The following SHANK1 variants were observed in gnomAD, a reference collection of about 807,000 sequenced individuals.
The protein encoded by SHANK1 is SH3 and multiple ankyrin repeat domains protein 1.
SHANK1 carries 35 observed loss-of-function variants against 165.6 expected under a neutral mutation model. The observed-to-expected ratio is 0.21, with a 90% CI of 0.16 to 0.28. SHANK1 has a LOEUF of 0.28. Ranked by LOEUF, SHANK1 falls within the 10% of genes least tolerant of loss-of-function variation. The pLI, the probability that SHANK1 is intolerant of heterozygous loss-of-function variation, is 1.00. For missense variants in SHANK1, 2,681 were observed against 3,036.4 expected (o/e 0.88, Z 2.75); for synonymous variants, 1,428 against 1,384.8 (o/e 1.03, Z -0.69).
At chr19:50,707,936 CTTTTCTTTTCTTTTCTTTTCTTTT>C in intron 8 of SHANK1, among the ~76,000 whole-genome samples, 1 of 87,256 alleles carries the variant, frequency 1.1e-5, no homozygotes, top group Non-Finnish European at 2.2e-5. Context: ...CTTTTCTTTT[CTTTTCTTTTCTTTTCTTTTCTTTT>C]CTTTTGAGAT....
intron 3 of SHANK1, 95 bp from the exon 4 acceptor site, chr19:50,715,825 C>T: frequency 8.2e-7 from 1 of 1,217,336 alleles, no homozygotes; most frequent in Non-Finnish European, 1.2e-6. Context: ...TGATCCCCTT[C>T]TAATTCCCCG....
At chr19:50,689,354 C>T (rs747973144) in intron 15 of SHANK1, 75 bp from the exon 16 acceptor site, 7 of 1,121,378 alleles carry the variant, frequency 6.2e-6, no homozygotes, top group East Asian at 2.3e-5. Flanking sequence ...GAGGCTGTCC[C>T]CCACCCGGCA....
Position 50,668,465 on chromosome 19 carries a change from G to A in SHANK1, c.3495C>T (p.Thr1165=), listed in dbSNP as rs773265688. 1.6e-5 allele frequency: 22 copies of A among 1,336,152 alleles called. No individual in the cohort carries two copies. The highest frequency in any genetic ancestry group is 2.0e-5 in the Non-Finnish European group (21 of 1,042,018). 82.8% of individuals were successfully genotyped at this position (1,336,152 alleles called of 1,614,324 possible). ...CCTGGCTGCTGCGGCCGCTGCTACT[G>A]GTGGACGGGGCCTTGATGATGATGG... ...IPTIIIKAPS[T]SSSGRSSQGS... Residue 1165 remains threonine (T), a synonymous_variant, in exon 23 of 24, where the codon ACC becomes ACT. Transcript: ENST00000293441.
chr19:50,667,093 T>C lies in SHANK1; in HGVS notation c.4867A>G (p.Ser1623Gly). 1.3e-6 allele frequency: 2 copies of C among 1,556,194 alleles called. No individual in the cohort carries two copies. Among genetic ancestry groups the C allele is most frequent in the Non-Finnish European group, 1.7e-6 (2 of 1,157,602 alleles). ...ACCTCGCTGTCATAGGATGTCAGGC[T>C]GGATGCGGTGGAGTCCAGGGTGGGA... ...APPTLDSTASSLTSYDSEVAT... is the reference protein window; with the variant it reads ...APPTLDSTASGLTSYDSEVAT... The change falls in exon 23 of 24, where the codon AGC (serine) becomes GGC (glycine). Residue 1623 changes from serine (S) to glycine (G), a missense_variant. This residue lies in a region of SHANK1 where 1,713 missense variants were observed against 1,630.2 expected (regional missense o/e 1.05). Transcript: ENST00000293441. This position sits in a 1 kb window ranked among gnomAD's most constrained non-coding sequence, Gnocchi z 5.7.
intron 21 of SHANK1, among the ~76,000 whole-genome samples, chr19:50,676,571 T>C (rs1302397280): frequency 6.6e-6 from 1 of 152,076 alleles, no homozygotes; most frequent in Non-Finnish European, 1.5e-5. Context: ...AGTTTCAGGT[T>C]TCTTTCAGAT....
chr19:50,672,073 C>T lies in SHANK1; in HGVS notation c.2619G>A (p.Glu873=), dbSNP rs1413270409. ...DPHHRAQPSY[E]RPSFLPPGPG... is the part of the protein sequence containing the mutation. Reference sequence around the variant, plus strand: ...GTCCTGGAGGCAGGAAAGAAGGACGCTCGTAACTTGGCTGGGCACGGTGGT... The same window carrying T: ...GTCCTGGAGGCAGGAAAGAAGGACGTTCGTAACTTGGCTGGGCACGGTGGT... Residue 873 remains glutamate, a synonymous_variant, in exon 22 of 24, where the codon GAG becomes GAA. Transcript: ENST00000293441. 6.2e-7 allele frequency: 1 copy of T among 1,614,012 alleles called. No homozygotes were observed. The highest frequency in any genetic ancestry group is 8.5e-7 in the Non-Finnish European group (1 of 1,179,964).
intron 18 of SHANK1, 60 bp downstream of exon 18, chr19:50,687,863 G>T: frequency 6.2e-7 from 1 of 1,604,766 alleles, no homozygotes; most frequent in Non-Finnish European, 8.5e-7. Context: ...CAGCCCTGGG[G>T]CTCCCGCAGG....
rs138442804 is a variant in SHANK1 at position 50,672,866 on chromosome 19, A to G, written c.2578-752T>C. ...TGCTATTGCCCCTGCTTGAAATCCC[A>G]TGTCAGTTAGGAGGAGATCAGAGGG... On this transcript the variant is annotated intron_variant, in intron 21 of 23. Transcript: ENST00000293441. Among the ~76,000 whole-genome samples the G allele has an allele frequency of 3.3e-5, 5 of 152,124 alleles. No individual in the cohort carries two copies. In the East Asian group the frequency reaches 9.7e-4, roughly 30 times the overall value.
Position 50,660,784 on chromosome 19 carries a change from G to A in SHANK1, c.*1181C>T, listed in dbSNP as rs182765872. Among the ~76,000 whole-genome samples the A allele has an allele frequency of 6.8e-6, 1 of 146,424 alleles. No individual in the cohort carries two copies. Among genetic ancestry groups the A allele is most frequent in the Admixed American group, 6.9e-5 (1 of 14,466 alleles). The stretch of plus-strand genomic sequence containing the variant: ...GAGGGTTCACAAAAGAATCAAAAAT[G>A]CAGAAGGGCAAAGATTTCAAACAGA... On this transcript the variant is annotated 3_prime_UTR_variant, in exon 24 of 24. Transcript: ENST00000293441.
At position 50,687,618 on chromosome 19, in the gene SHANK1, G is replaced by A. The variant is rs946919605; in HGVS notation, c.2353C>T (p.Arg785Cys). ...KRLPPPTISLRSKSMTSELEE... is the reference protein window; with the variant it reads ...KRLPPPTISLCSKSMTSELEE... ...AGCTCTGAGGTCATAGATTTGGAACGCAGGGAGATGGTTGGGGGCGGCAGC... is the reference window on the plus strand; with the variant it reads ...AGCTCTGAGGTCATAGATTTGGAACACAGGGAGATGGTTGGGGGCGGCAGC... Residue 785 changes from arginine (R) to cysteine (C), a missense_variant, in exon 19 of 24, where the codon CGT becomes TGT. Transcript: ENST00000293441. 4 of 1,537,092 alleles carry A rather than the reference G, an allele frequency of 2.6e-6. No homozygotes were observed. The highest frequency in any genetic ancestry group is 4.2e-5 in the Admixed American group (2 of 47,784).
At position 50,715,716 on chromosome 19, in the gene SHANK1, G is replaced by T. The variant is rs772036089; in HGVS notation, c.474C>A (p.Thr158=). ...GVPYLEFRYK[T]RVYKQTNLDE... is the part of the protein sequence containing the mutation. ...CCAGGTTGGTCTGTTTGTAAACTCGGGTCTTGTATCGGAACTGAGGTCAAG... is the reference window on the plus strand; with the variant it reads ...CCAGGTTGGTCTGTTTGTAAACTCGTGTCTTGTATCGGAACTGAGGTCAAG... Residue 158 remains threonine, a synonymous_variant, in exon 4 of 24, where the codon ACC becomes ACA. Transcript: ENST00000293441. 3.7e-6 allele frequency: 6 copies of T among 1,613,962 alleles called. No individual in the cohort carries two copies. In the South Asian group the frequency reaches 5.5e-5, roughly 15 times the overall value.
In SHANK1 at chr19:50,702,943, G is replaced by C. The variant is rs1283976510; in HGVS notation, c.1554-283C>G. On this transcript the variant is annotated intron_variant, in intron 11 of 23. Transcript: ENST00000293441. This position sits in a 1 kb window ranked among gnomAD's most constrained non-coding sequence, Gnocchi z 5.3. The stretch of plus-strand genomic sequence containing the variant: ...CTTCCTGAGGCTGAGCTGGGACTGT[G>C]TCATCCCTCCGCTCACGAGCCTTCC... Among the ~76,000 whole-genome samples the C allele has an allele frequency of 2.6e-5, 4 of 152,090 alleles. No homozygotes were observed. The highest frequency in any genetic ancestry group is 6.5e-5 in the Admixed American group (1 of 15,284).
In SHANK1 at chr19:50,668,382, C is replaced by G; in HGVS notation, c.3578G>C (p.Gly1193Ala). Reference sequence around the variant, plus strand: ...GGCGGGGCTGGGCGAGGAGCCGCCGCCGCCGCCGCCTCCCGTGGGCTCCGG... The same window carrying G: ...GGCGGGGCTGGGCGAGGAGCCGCCGGCGCCGCCGCCTCCCGTGGGCTCCGG... ...TQPEPTGGGG[G>A]GGSSPSPAPA... Residue 1193 changes from glycine (G) to alanine (A), a missense_variant, in exon 23 of 24, where the codon GGC (glycine) becomes GCC (alanine). Transcript: ENST00000293441. 1 of 1,293,754 alleles carries G rather than the reference C, an allele frequency of 7.7e-7. No individual in the cohort carries two copies. The highest frequency in any genetic ancestry group is 9.8e-7 in the Non-Finnish European group (1 of 1,018,998). 80.1% of individuals were successfully genotyped at this position (1,293,754 alleles called of 1,614,324 possible).
chr19:50,681,258 G>A (rs1335691257), intron 21 of SHANK1, among the ~76,000 whole-genome samples: 2 of 152,116 alleles, frequency 1.3e-5, no homozygotes, highest in East Asian at 1.9e-4. Flanking sequence ...GAGAGCCTCC[G>A]ACATGAGAGG....
chr19:50,709,828 G>T (rs2088986856), intron 8 of SHANK1, among the ~76,000 whole-genome samples: 1 of 152,208 alleles, frequency 6.6e-6, no homozygotes, highest in Non-Finnish European at 1.5e-5. Flanking sequence ...TGGGATTACA[G>T]GCATGAGCCA....
chr19:50,717,589 G>A lies in SHANK1; in HGVS notation c.-43-627C>T, dbSNP rs536967469. Among the ~76,000 whole-genome samples, 15 of 152,312 alleles carry A rather than the reference G, an allele frequency of 9.8e-5. No homozygotes were observed. Among genetic ancestry groups the A allele is most frequent in the African/African-American group, 3.6e-4 (15 of 41,560 alleles). On this transcript the variant is annotated intron_variant, in intron 1 of 23. Coordinates refer to ENST00000293441, the MANE Select transcript of SHANK1 (RefSeq NM_016148.5). This position sits in a 1 kb window ranked among gnomAD's most constrained non-coding sequence, Gnocchi z 5.5. ...AGGGGAGCAAGGGGCACTGAGATGG[G>A]GGTGTCATGGGCAGAGCATTTGGCC...
At chr19:50,711,921 C>A in intron 7 of SHANK1, 26 bp downstream of exon 7, 10 of 1,613,350 alleles carry the variant, frequency 6.2e-6, no homozygotes, top group African/African-American at 1.3e-5. Flanking sequence ...CCCACCCCAG[C>A]CCTTCATGGC....
Position 50,698,656 on chromosome 19 carries a change from G to C in SHANK1, c.1748-700C>G, listed in dbSNP as rs73932564. On this transcript the variant is annotated intron_variant, in intron 12 of 23. Transcript: ENST00000293441. Reference sequence around the variant, plus strand: ...CTCACCTGGGCCAGAACCCTAAGAGGGGCCACTTTCATTATCCCCCTTTTA... The same window carrying C: ...CTCACCTGGGCCAGAACCCTAAGAGCGGCCACTTTCATTATCCCCCTTTTA... Among the ~76,000 whole-genome samples, 1,054 of 152,252 alleles carry C rather than the reference G, an allele frequency of 6.9e-3. 14 individuals are homozygous for C. The highest frequency in any genetic ancestry group is 0.025 in the African/African-American group (1,022 of 41,546).
intron 8 of SHANK1, among the ~76,000 whole-genome samples, chr19:50,705,310 C>G (rs2088924940): frequency 6.6e-6 from 1 of 152,080 alleles, no homozygotes; most frequent in Admixed American, 6.5e-5. Flanking sequence ...CCACTGCACT[C>G]CAGCCTGGGT....
Sources: allele counts gnomAD v4.1 joint callset (sites outside exome capture counted in the v4.1 genomes callset), GRCh38; gene constraint gnomAD v4.1.1; regional missense constraint gnomAD v4.1.1; non-coding constraint Gnocchi (gnomAD v3.1); transcripts MANE v1.5; gene names NCBI Gene and HGNC (gene_info 2026-07-23, HGNC 2026-07-21).